Variants in LPP observed in about 807,000 individuals in gnomAD.
The protein encoded by LPP is lipoma-preferred partner.
Under a neutral mutation model 60.4 loss-of-function variants are expected in LPP, and 38 were observed. The observed-to-expected ratio is 0.63, with a 90% confidence interval of 0.49 to 0.83. The LOEUF (loss-of-function observed/expected upper bound fraction) is 0.83. Ranked by LOEUF, LPP falls within the 40% of genes least tolerant of loss-of-function variation. LPP has a pLI of 0.00. For synonymous variants in LPP, 328 were observed against 290.8 expected, an observed-to-expected ratio of 1.13 and a Z score of -1.30; for missense variants, 902 against 783.6, an observed-to-expected ratio of 1.15 and a Z score of -1.80.
At chr3:188,369,645 A>G (rs1233971996) in intron 3 of LPP, among the ~76,000 whole-genome samples, 4 of 152,164 alleles carry the variant, frequency 2.6e-5, no homozygotes, top group African/African-American at 4.8e-5. Flanking sequence ...TGAGCTAGGT[A>G]CTGTTTTAAG....
At chr3:188,753,931 T>A (rs773151136) in intron 8 of LPP, among the ~76,000 whole-genome samples, 2 of 152,176 alleles carry the variant, frequency 1.3e-5, no homozygotes, top group African/African-American at 2.4e-5. Context: ...GAACTACATG[T>A]GTCCTACAGT....
rs1231076164 is a variant in LPP at position 188,884,458 on chromosome 3, CT to C, written c.*9980del. ...GAGATCATTTAGAGCTTGCACACAT[CT>C]GTGTCTTCTTGTGGGAAACCTCTAG... On this transcript the variant is annotated 3_prime_UTR_variant, in exon 12 of 12. Coordinates refer to ENST00000617246, the MANE Select transcript of LPP (RefSeq NM_001375462.1). 5 of 229,248 alleles carry C rather than the reference CT, an allele frequency of 2.2e-5. No individual in the cohort carries two copies. Among genetic ancestry groups the C allele is most frequent in the African/African-American group, 2.2e-5 (1 of 45,138 alleles). 14.2% of individuals were successfully genotyped at this position (229,248 alleles called of 1,614,324 possible).
intron 8 of LPP, among the ~76,000 whole-genome samples, chr3:188,726,706 T>A (rs1718524563): frequency 6.6e-6 from 1 of 152,176 alleles, no homozygotes; most frequent in Admixed American, 6.5e-5. Context: ...CTAATTTTGT[T>A]TCTTTTCCAT....
chr3:188,311,557 T>C (rs76730356), intron 2 of LPP, among the ~76,000 whole-genome samples: 3,279 of 151,594 alleles, frequency 0.022, 127 homozygotes, highest in African/African-American at 0.075. Context: ...ACTTACGGAG[T>C]TGGAACATTG....
intron 1 of LPP, among the ~76,000 whole-genome samples, chr3:188,155,545 A>T (rs187815384): frequency 6.6e-6 from 1 of 152,312 alleles, no homozygotes; most frequent in East Asian, 1.9e-4. Flanking sequence ...CCCCTTCCTC[A>T]ACTCTTATAG....
At chr3:188,580,409 G>A (rs1835805364) in intron 6 of LPP, among the ~76,000 whole-genome samples, 1 of 152,138 alleles carries the variant, frequency 6.6e-6, no homozygotes, top group Admixed American at 6.5e-5. Context: ...GTCTATACGA[G>A]TATTAAGACA....
chr3:188,884,032 G>A lies in LPP; in HGVS notation c.*9553G>A. On this transcript the variant is annotated 3_prime_UTR_variant, in exon 12 of 12. Transcript: ENST00000617246. ...TTCTACCCCAACTTTGAATGAGAGAGCACTGTAAGCAGAAACTGCCATCAG... is the reference window on the plus strand; with the variant it reads ...TTCTACCCCAACTTTGAATGAGAGAACACTGTAAGCAGAAACTGCCATCAG... 2 of 221,464 alleles carry A rather than the reference G, an allele frequency of 9.0e-6. No homozygotes were observed. Among genetic ancestry groups the A allele is most frequent in the Non-Finnish European group, 1.8e-5 (2 of 110,724 alleles). 13.7% of individuals were successfully genotyped at this position (221,464 alleles called of 1,614,324 possible). A position where few individuals can be genotyped will look rare whatever the true frequency, so the allele number is the denominator to read the frequency against.
intron 9 of LPP, among the ~76,000 whole-genome samples, chr3:188,811,349 T>TACAC (rs1309187103): frequency 3.9e-5 from 4 of 101,322 alleles, no homozygotes; most frequent in African/African-American, 8.6e-5. Context: ...TTAAGTGCTG[T>TACAC]ATACACACAC....
At chr3:188,663,511 C>A (rs537418843) in intron 7 of LPP, among the ~76,000 whole-genome samples, 1 of 152,168 alleles carries the variant, frequency 6.6e-6, no homozygotes, top group Non-Finnish European at 1.5e-5. Context: ...TTGAGTGTCA[C>A]GTACATCGCT....
chr3:188,406,855 T>C (rs1023202923), intron 4 of LPP, among the ~76,000 whole-genome samples: 21 of 152,274 alleles, frequency 1.4e-4, no homozygotes, highest in African/African-American at 4.1e-4. Flanking sequence ...CAGACAAATA[T>C]GAGTGAAGCC....
At chr3:188,370,369 G>A (rs1312573072) in intron 3 of LPP, among the ~76,000 whole-genome samples, 1 of 152,204 alleles carries the variant, frequency 6.6e-6, no homozygotes, top group Admixed American at 6.5e-5. Flanking sequence ...TTGCTCTTGT[G>A]CCCTGGAGTG....
intron 1 of LPP, among the ~76,000 whole-genome samples, chr3:188,193,382 C>T (rs1263129295): frequency 1.3e-5 from 2 of 152,116 alleles, no homozygotes; most frequent in South Asian, 2.1e-4. Flanking sequence ...GTCTGTGTCT[C>T]GGTTTCCTTA....
chr3:188,669,530 C>T (rs975564627), intron 7 of LPP, among the ~76,000 whole-genome samples: 4 of 151,938 alleles, frequency 2.6e-5, no homozygotes, highest in Admixed American at 6.6e-5. Context: ...GAGCCGAGAT[C>T]GCACCACTGC....
intron 4 of LPP, among the ~76,000 whole-genome samples, chr3:188,476,124 A>G (rs1203632922): frequency 6.6e-6 from 1 of 151,874 alleles, no homozygotes; most frequent in Non-Finnish European, 1.5e-5. Context: ...CCTTCTCACC[A>G]TGTGATATTC....
intron 7 of LPP, among the ~76,000 whole-genome samples, chr3:188,657,280 A>ATATATATATATATATATATT: frequency 6.9e-6 from 1 of 144,304 alleles, no homozygotes; most frequent in Non-Finnish European, 1.5e-5. Context: ...ATATATATAT[A>ATATATATATATATATATATT]TTTCCAAAAG....
At position 188,876,263 on chromosome 3, in the gene LPP, G is replaced by A. The variant is rs538090413; in HGVS notation, c.*1784G>A. On this transcript the variant is annotated 3_prime_UTR_variant, in exon 12 of 12. Transcript: ENST00000617246. Reference sequence around the variant, plus strand: ...TACTTGAATAGGAATGATCATAAAAGTGATTCTTTTTTTGTGACTAGAAAT... The same window carrying A: ...TACTTGAATAGGAATGATCATAAAAATGATTCTTTTTTTGTGACTAGAAAT... 2.0e-4 allele frequency: 37 copies of A among 188,482 alleles called. No homozygotes were observed. In the East Asian group the frequency reaches 2.8e-3, roughly 14 times the overall value. The allele number at this position is 188,482 out of a possible 1,614,324, so 11.7% of individuals were successfully genotyped here.
intron 9 of LPP, among the ~76,000 whole-genome samples, chr3:188,772,527 C>G (rs571560002): frequency 6.6e-6 from 1 of 152,028 alleles, no homozygotes; most frequent in East Asian, 1.9e-4. Context: ...CAGAGTCTCA[C>G]TCTGTAGCCC....
At chr3:188,388,340 T>C (rs935079156) in intron 3 of LPP, among the ~76,000 whole-genome samples, 3 of 152,236 alleles carry the variant, frequency 2.0e-5, no homozygotes, top group Non-Finnish European at 4.4e-5. Context: ...CAATTATTCT[T>C]GAATTTTAAC....
At chr3:188,218,263 T>C (rs1435552344) in intron 1 of LPP, among the ~76,000 whole-genome samples, 1 of 152,224 alleles carries the variant, frequency 6.6e-6, no homozygotes, top group African/African-American at 2.4e-5. Flanking sequence ...TTCCCTGTAA[T>C]TCCTTTTAAC....
Sources: allele counts gnomAD v4.1 joint callset (sites outside exome capture counted in the v4.1 genomes callset), GRCh38; gene constraint gnomAD v4.1.1; transcripts MANE v1.5; gene names NCBI Gene and HGNC (gene_info 2026-07-23, HGNC 2026-07-21).